Variants in ADGRB1 observed in about 807,000 individuals in gnomAD.
The protein encoded by ADGRB1 is adhesion G protein-coupled receptor B1.
A neutral mutation model predicts 175.7 loss-of-function variants in ADGRB1; 36 were observed. That is an observed-to-expected ratio of 0.20 (90% CI 0.16 to 0.27). ADGRB1 has a LOEUF of 0.27. Among genes scored for constraint, ADGRB1 ranks in the 10% least tolerant of loss-of-function variants. The pLI is 1.00. For synonymous variants in ADGRB1, 1,054 were observed against 979.4 expected (o/e 1.08, Z -1.42); for missense variants, 1,731 against 2,255.3 (o/e 0.77, Z 4.71).
At chr8:142,472,740 T>C (rs746918011) in intron 2 of ADGRB1, among the ~76,000 whole-genome samples, 15 of 152,110 alleles carry the variant, frequency 9.9e-5, no homozygotes, top group Non-Finnish European at 1.8e-4. Flanking sequence ...GCTCAGTATA[T>C]AACAGGATCA....
At chr8:142,529,714 CTA>C (rs539610609) in intron 24 of ADGRB1, among the ~76,000 whole-genome samples, 38 of 132,894 alleles carry the variant, frequency 2.9e-4, no homozygotes, top group South Asian at 2.2e-3. Flanking sequence ...GAGCGTGCAT[CTA>C]TGTGTGTGAG....
In ADGRB1 at chr8:142,510,933, C is replaced by T. The variant is rs1289706107; in HGVS notation, c.2677C>T (p.Pro893Ser). 12 of 1,186,822 alleles carry T rather than the reference C, an allele frequency of 1.0e-5. No individual in the cohort carries two copies. Among genetic ancestry groups the T allele is most frequent in the Non-Finnish European group, 1.2e-5 (11 of 934,422 alleles). 73.5% of individuals were successfully genotyped at this position (1,186,822 alleles called of 1,614,324 possible). The stretch of plus-strand genomic sequence containing the variant: ...CTCCCGTGTCCCGCCCGCCCCCAGA[C>T]CCTCCTCCTCCGCCCCCCCGCAGCT... ...TCILWDETDV[P>S]SSSAPPQLGP... The change falls in exon 18 of 31, where the codon CCC becomes TCC. Residue 893 changes from proline to serine, a missense_variant and splice_region_variant. Transcript: ENST00000517894. This position sits in a 1 kb window ranked among gnomAD's most constrained non-coding sequence, Gnocchi z 6.3.
rs1258791292 is a variant in ADGRB1 at position 142,488,333 on chromosome 8, C to CT, written c.2309-30dup. 4 of 1,611,332 alleles carry CT rather than the reference C, an allele frequency of 2.5e-6. No homozygotes were observed. In the African/African-American group the frequency reaches 5.3e-5, roughly 22 times the overall value. ...CCACATCTGTGACTTTCCCTCCTCT[C>CT]TGTCTCTCCCGCCTTTGACCCTGCT... On this transcript the variant is annotated intron_variant, in intron 13 of 30. Transcript: ENST00000517894.
chr8:142,514,728 C>T (rs1587385996), intron 18 of ADGRB1, among the ~76,000 whole-genome samples: 2 of 152,172 alleles, frequency 1.3e-5, no homozygotes, highest in East Asian at 3.9e-4. Context: ...TGCCCAAGAT[C>T]AAGACTCACA....
chr8:142,538,310 A>AT (rs1159508019), intron 26 of ADGRB1, among the ~76,000 whole-genome samples: 5 of 152,202 alleles, frequency 3.3e-5, no homozygotes, highest in African/African-American at 1.2e-4. Context: ...GCCTCAGCAG[A>AT]TGGCATGTCC....
intron 27 of ADGRB1, among the ~76,000 whole-genome samples, chr8:142,541,580 A>G (rs999894788): frequency 5.9e-5 from 9 of 152,206 alleles, no homozygotes; most frequent in African/African-American, 2.2e-4. Context: ...CCACCAGCAC[A>G]GACCGTTCTG....
At chr8:142,489,210 G>A (rs558245600) in intron 15 of ADGRB1, 100 bp downstream of exon 15, 3 of 1,543,740 alleles carry the variant, frequency 1.9e-6, no homozygotes, top group Admixed American at 1.8e-5. Context: ...GGGCCTGGAG[G>A]AGTGTGGATG....
rs555652192 is a variant in ADGRB1, at chr8:142,478,451, A to G, written c.1561+91A>G. The G allele has an allele frequency of 2.9e-4, 394 of 1,372,708 alleles. 4 individuals are homozygous for G. In the East Asian group the frequency reaches 7.8e-3, roughly 27 times the overall value. The allele number at this position is 1,372,708 out of a possible 1,614,324, so 85.0% of individuals were successfully genotyped here. A position where few individuals can be genotyped will look rare whatever the true frequency, so the allele number is the denominator to read the frequency against. On this transcript the variant is annotated intron_variant, in intron 7 of 30. Coordinates refer to ENST00000517894, the MANE Select transcript of ADGRB1 (RefSeq NM_001702.3). ...GGCCCCACAGCGGGTGGGGGTAACC[A>G]TGGGCCCCGGCATGTGACTGAGGAG...
chr8:142,453,542 CTG>C (rs1240803570), intron 1 of ADGRB1, among the ~76,000 whole-genome samples: 1 of 152,214 alleles, frequency 6.6e-6, no homozygotes, highest in African/African-American at 2.4e-5. Context: ...ATCGGCAGAG[CTG>C]TGACTTCTGG....
chr8:142,478,197 G>T lies in ADGRB1; in HGVS notation c.1398G>T (p.Val466=). 1 of 1,606,086 alleles carries T rather than the reference G, an allele frequency of 6.2e-7. No homozygotes were observed. Residue 466 remains valine (V), a synonymous_variant, in exon 7 of 31, where the codon GTG becomes GTT. Coordinates refer to ENST00000517894, the MANE Select transcript of ADGRB1 (RefSeq NM_001702.3). ...CNIALCPGRA[V]DGNWNEWSSW... ...TCCTTCCTCCCCCGGGCCGGGCAGT[G>T]GATGGAAACTGGAATGAGTGGTCGA...
intron 17 of ADGRB1, among the ~76,000 whole-genome samples, chr8:142,506,865 G>A (rs996115322): frequency 2.0e-5 from 3 of 152,246 alleles, no homozygotes; most frequent in African/African-American, 7.2e-5. Flanking sequence ...GAGGTCTAGT[G>A]CAGCAAGGGA....
In ADGRB1 at chr8:142,478,344, C is replaced by T. The variant is rs1377485373; in HGVS notation, c.1545C>T (p.Phe515=). 1.2e-6 allele frequency: 2 copies of T among 1,605,932 alleles called. No individual in the cohort carries two copies. Among genetic ancestry groups the T allele is most frequent in the Admixed American group, 1.7e-5 (1 of 59,376 alleles). ...QGHWVETRDC[F]LQQCPVDGKW... is the part of the protein sequence containing the mutation. ...ACTGGGTGGAGACCCGAGACTGCTT[C>T]CTGCAGCAGTGCCCAGGTCAGGGGT... The change falls in exon 7 of 31, where the codon TTC becomes TTT. Residue 515 remains phenylalanine (F), a synonymous_variant. Transcript: ENST00000517894.
chr8:142,524,836 G>A (rs1039528000), intron 23 of ADGRB1, among the ~76,000 whole-genome samples: 2 of 152,086 alleles, frequency 1.3e-5, no homozygotes, highest in Admixed American at 6.5e-5. Flanking sequence ...CAGGTGGCAC[G>A]CAGGGTCACC....
intron 9 of ADGRB1, among the ~76,000 whole-genome samples, chr8:142,480,765 G>T (rs978514206): frequency 2.0e-5 from 3 of 152,216 alleles, no homozygotes; most frequent in Non-Finnish European, 4.4e-5. Context: ...TGTCCTGGGA[G>T]TGAGCTCTGT....
At chr8:142,498,356 G>T (rs182310486) in intron 17 of ADGRB1, among the ~76,000 whole-genome samples, 190 of 152,286 alleles carry the variant, frequency 1.2e-3, no homozygotes, top group African/African-American at 4.2e-3. Context: ...TGTTAACAGG[G>T]TCACTCCCTC....
At chr8:142,477,867 C>T (rs1841068762) in intron 6 of ADGRB1, among the ~76,000 whole-genome samples, 1 of 151,748 alleles carries the variant, frequency 6.6e-6, no homozygotes, top group South Asian at 2.1e-4. Context: ...ATGTCCCAGG[C>T]TGGGTGTGGG....
intron 2 of ADGRB1, among the ~76,000 whole-genome samples, chr8:142,469,504 A>G (rs1029246466): frequency 9.3e-6 from 1 of 107,904 alleles, no homozygotes; most frequent in Non-Finnish European, 2.0e-5. Flanking sequence ...TGCATGTGTG[A>G]ATGTGTGTGT....
At chr8:142,460,426 C>G (rs539842208) in intron 1 of ADGRB1, among the ~76,000 whole-genome samples, 116 of 152,344 alleles carry the variant, frequency 7.6e-4, no homozygotes, top group African/African-American at 2.6e-3. Flanking sequence ...GCTGGGCCGG[C>G]CTTCCGGCCA....
chr8:142,459,862 C>A (rs1047594129), intron 1 of ADGRB1, among the ~76,000 whole-genome samples: 1 of 152,240 alleles, frequency 6.6e-6, no homozygotes, highest in Admixed American at 6.5e-5. Context: ...TCCTCCTGGC[C>A]CAGACACTAC....
Sources: gnomAD v4.1 joint callset for allele counts (sites outside exome capture counted in the v4.1 genomes callset) on GRCh38, gnomAD v4.1.1 for gene constraint, Gnocchi (gnomAD v3.1) non-coding constraint, MANE v1.5 for transcripts, NCBI Gene and HGNC (gene_info 2026-07-23, HGNC 2026-07-21) for gene names.